ST3GAL4: variants seen among roughly 807,000 people sequenced by gnomAD.
The protein encoded by ST3GAL4 is CMP-N-acetylneuraminate-beta-galactosamide-alpha-2,3-sialyltransferase 4.
Under a neutral mutation model 42.6 loss-of-function variants are expected in ST3GAL4, and 24 were observed. That is an observed-to-expected ratio of 0.56 (90% CI 0.41 to 0.79). The LOEUF (loss-of-function observed/expected upper bound fraction) is 0.79, where lower values mean the gene tolerates loss of function less well. ST3GAL4 is among the 30% of genes least tolerant of loss of function. ST3GAL4 has a pLI of 0.00. For missense variants in ST3GAL4, 311 were observed against 430.8 expected (o/e 0.72, Z 2.46); for synonymous variants, 135 against 163.2 (o/e 0.83, Z 1.32).
At chr11:126,405,067 T>C (rs901456227) in intron 1 of ST3GAL4, among the ~76,000 whole-genome samples, 1 of 152,218 alleles carries the variant, frequency 6.6e-6, no homozygotes, top group Non-Finnish European at 1.5e-5. Flanking sequence ...TCCCAGGCCA[T>C]ACTCAGGCTG....
At chr11:126,387,357 G>A (rs989362194) in intron 1 of ST3GAL4, among the ~76,000 whole-genome samples, 1 of 151,984 alleles carries the variant, frequency 6.6e-6, no homozygotes, top group African/African-American at 2.4e-5. Flanking sequence ...AATTTTATTT[G>A]AAAGGGTATC....
At position 126,411,729 on chromosome 11, in the gene ST3GAL4, C is replaced by T. The variant is rs763907127; in HGVS notation, c.772-1776C>T. Among the ~76,000 whole-genome samples, 3 of 152,226 alleles carry T rather than the reference C, an allele frequency of 2.0e-5. No homozygotes were observed. Among genetic ancestry groups the T allele is most frequent in the Admixed American group, 6.5e-5 (1 of 15,280 alleles). On this transcript the variant is annotated intron_variant, in intron 9 of 10. Transcript: ENST00000444328. This position sits in a 1 kb window ranked among gnomAD's most constrained non-coding sequence, Gnocchi z 6.3. ...GCTGTCAGCTGGAGGCTGGGGGCCA[C>T]GCTCAGCTCTTGGAGGTGGCCCACA...
intron 1 of ST3GAL4, among the ~76,000 whole-genome samples, chr11:126,402,098 G>A (rs2135524930): frequency 6.8e-6 from 1 of 146,868 alleles, no homozygotes; most frequent in Non-Finnish European, 1.5e-5. Context: ...GGAAAGAGGG[G>A]AGGTAGGAGA....
rs1176545001 is a variant in ST3GAL4 at position 126,391,731 on chromosome 11, C to A, written c.-60-14365C>A. ...AGTGTGATTGGGGTCGTGGTGGGGC[C>A]AGTGGCAGTGGATCTCTCTCTTTGT... On this transcript the variant is annotated intron_variant, in intron 1 of 10. Coordinates refer to ENST00000444328, the MANE Select transcript of ST3GAL4 (RefSeq NM_001254757.2). This position sits in a 1 kb window ranked among gnomAD's most constrained non-coding sequence, Gnocchi z 5.5. Among the ~76,000 whole-genome samples, 1 of 152,108 alleles carries A rather than the reference C, an allele frequency of 6.6e-6. No individual in the cohort carries two copies. The highest frequency in any genetic ancestry group is 6.5e-5 in the Admixed American group (1 of 15,272).
intron 1 of ST3GAL4, chr11:126,403,530 C>T: frequency 1.2e-6 from 1 of 812,962 alleles, no homozygotes. Flanking sequence ...CATGCCTGGG[C>T]CCCACCCCTA....
At chr11:126,394,016 A>G (rs1355067617) in intron 1 of ST3GAL4, among the ~76,000 whole-genome samples, 1 of 152,200 alleles carries the variant, frequency 6.6e-6, no homozygotes, top group African/African-American at 2.4e-5. Context: ...GACTGGCCCC[A>G]TTGCAAATAC....
In ST3GAL4 at chr11:126,359,729, C is replaced by CTCCCTCCT. The variant is rs149358402; in HGVS notation, c.-61+3916_-61+3923dup. On this transcript the variant is annotated intron_variant, in intron 1 of 10. Coordinates refer to ENST00000444328, the MANE Select transcript of ST3GAL4 (RefSeq NM_001254757.2). This position sits in a 1 kb window ranked among gnomAD's most constrained non-coding sequence, Gnocchi z 4.8. ...GCGGGGCAGGACAAGGTTCTTCTCC[C>CTCCCTCCT]TCCCTCCTTCCCTCCTTCCCTCCTT... 2.7e-3 allele frequency among the ~76,000 whole-genome samples: 403 copies of CTCCCTCCT among 151,472 alleles called. 4 individuals are homozygous for CTCCCTCCT. The highest frequency in any genetic ancestry group is 0.013 in the South Asian group (64 of 4,798).
rs1486948793 is a variant in ST3GAL4 at position 126,407,028 on chromosome 11, G to C, written c.182+5G>C. ...GGCCTCTAAGCTCTTTGGCAAGTAA[G>C]TACTTAAGGATGAGGAGGGTAGAGC... is the stretch of plus-strand genomic sequence containing the variant. On this transcript the variant is annotated splice_donor_5th_base_variant and intron_variant, in intron 4 of 10. Transcript: ENST00000444328. 2 of 1,613,642 alleles carry C rather than the reference G, an allele frequency of 1.2e-6. No homozygotes were observed. Among genetic ancestry groups the C allele is most frequent in the Non-Finnish European group, 8.5e-7 (1 of 1,179,588 alleles).
Position 126,397,424 on chromosome 11 carries a change from C to A in ST3GAL4, c.-60-8672C>A, listed in dbSNP as rs1252467017. On this transcript the variant is annotated intron_variant, in intron 1 of 10. Coordinates refer to ENST00000444328, the MANE Select transcript of ST3GAL4 (RefSeq NM_001254757.2). The surrounding 1 kb of genome is among the most constrained non-coding windows in gnomAD (Gnocchi z 5.0). ...TGGGATAGTGGGCAAGACATGAAAA[C>A]CTTGTATAATATAAAATTTTGTTAC... Among the ~76,000 whole-genome samples the A allele has an allele frequency of 6.6e-6, 1 of 151,898 alleles. No homozygotes were observed. Among genetic ancestry groups the A allele is most frequent in the Non-Finnish European group, 1.5e-5 (1 of 68,010 alleles).
At position 126,374,700 on chromosome 11, in the gene ST3GAL4, A is replaced by G. The variant is rs188767468; in HGVS notation, c.-61+18858A>G. Among the ~76,000 whole-genome samples the G allele has an allele frequency of 9.5e-4, 145 of 152,308 alleles. No individual in the cohort carries two copies. The East Asian group carries it at 0.025, about 26-fold the overall frequency. On this transcript the variant is annotated intron_variant, in intron 1 of 10. Transcript: ENST00000444328. Reference sequence around the variant, plus strand: ...TAGAGCACGTGTGTCTCTGTGCGTCAGAGCAAGGACCCGGGCTCTCCCCGT... The same window carrying G: ...TAGAGCACGTGTGTCTCTGTGCGTCGGAGCAAGGACCCGGGCTCTCCCCGT...
rs1406333160 is a variant in ST3GAL4 at position 126,393,722 on chromosome 11, G to C, written c.-60-12374G>C. Among the ~76,000 whole-genome samples, 1 of 152,156 alleles carries C rather than the reference G, an allele frequency of 6.6e-6. No homozygotes were observed. The highest frequency in any genetic ancestry group is 1.9e-4 in the East Asian group (1 of 5,190). Reference sequence around the variant, plus strand: ...GAAGTGTGAGCTAGCAGGAATCCTGGAGATTTTCTAGCCCAACAGTGTCCG... The same window carrying C: ...GAAGTGTGAGCTAGCAGGAATCCTGCAGATTTTCTAGCCCAACAGTGTCCG... On this transcript the variant is annotated intron_variant, in intron 1 of 10. Transcript: ENST00000444328. The surrounding 1 kb of genome is among the most constrained non-coding windows in gnomAD (Gnocchi z 5.9).
rs765746951 is a variant in ST3GAL4 at position 126,379,773 on chromosome 11, C to A, written c.-61+23931C>A. The stretch of plus-strand genomic sequence containing the variant: ...GATTACAGGCATGAGCCACCACACC[C>A]GGCCTGTTATCCTTAATTTTAAATC... On this transcript the variant is annotated intron_variant, in intron 1 of 10. Transcript: ENST00000444328. The surrounding 1 kb of genome is among the most constrained non-coding windows in gnomAD (Gnocchi z 4.2). 1.3e-5 allele frequency among the ~76,000 whole-genome samples: 2 copies of A among 152,116 alleles called. No homozygotes were observed. Among genetic ancestry groups the A allele is most frequent in the Admixed American group, 1.3e-4 (2 of 15,268 alleles).
At chr11:126,402,958 C>T (rs1954072446) in intron 1 of ST3GAL4, among the ~76,000 whole-genome samples, 1 of 152,194 alleles carries the variant, frequency 6.6e-6, no homozygotes, top group African/African-American at 2.4e-5. Context: ...TCCCCTTGGA[C>T]ATGAGTGGAT....
rs1244214195 is a variant in ST3GAL4, at chr11:126,391,932, T to C, written c.-60-14164T>C. Among the ~76,000 whole-genome samples the C allele has an allele frequency of 7.1e-6, 1 of 140,084 alleles. No homozygotes were observed. Among genetic ancestry groups the C allele is most frequent in the African/African-American group, 2.8e-5 (1 of 36,306 alleles). 91.9% of individuals were successfully genotyped at this position (140,084 alleles called of 152,430 possible). The stretch of plus-strand genomic sequence containing the variant: ...GAGGCTCAGAACACCTGTGATAACT[T>C]GGTCGTGTGTGTGTGTGTGTGTGTG... On this transcript the variant is annotated intron_variant, in intron 1 of 10. Transcript: ENST00000444328. The surrounding 1 kb of genome is among the most constrained non-coding windows in gnomAD (Gnocchi z 5.5).
intron 1 of ST3GAL4, among the ~76,000 whole-genome samples, chr11:126,365,760 C>T (rs1211249019): frequency 2.0e-5 from 3 of 152,154 alleles, no homozygotes; most frequent in East Asian, 3.9e-4. Flanking sequence ...ATTTGGGTGC[C>T]GGGTGGGCTG....
Position 126,411,101 on chromosome 11 carries a change from C to T in ST3GAL4, c.771+1690C>T, listed in dbSNP as rs1248932034. On this transcript the variant is annotated intron_variant, in intron 9 of 10. Coordinates refer to ENST00000444328, the MANE Select transcript of ST3GAL4 (RefSeq NM_001254757.2). The surrounding 1 kb of genome is among the most constrained non-coding windows in gnomAD (Gnocchi z 6.3). ...AGAGGGCGAGGACCTGAACCCAGCT[C>T]CTGGCAGTGGGAAGGGAAAAGGAGG... 2.0e-5 allele frequency among the ~76,000 whole-genome samples: 3 copies of T among 151,442 alleles called. No homozygotes were observed. The highest frequency in any genetic ancestry group is 4.4e-5 in the Non-Finnish European group (3 of 67,924).
Position 126,409,328 on chromosome 11 carries a change from C to A in ST3GAL4, c.688C>A (p.Arg230=). ...CTGGGATGTCAATCCTAAACAGATT[C>A]GGATTCTCAACCCCTTCTTCATGGA... The part of the protein sequence containing the change: ...LIWDVNPKQI[R]ILNPFFMEIA... Residue 230 remains arginine (R), a synonymous_variant, in exon 9 of 11, where the codon CGG becomes AGG. Coordinates refer to ENST00000444328, the MANE Select transcript of ST3GAL4 (RefSeq NM_001254757.2). The surrounding 1 kb of genome is among the most constrained non-coding windows in gnomAD (Gnocchi z 4.9). The A allele has an allele frequency of 1.2e-6, 2 of 1,614,230 alleles. No individual in the cohort carries two copies. Among genetic ancestry groups the A allele is most frequent in the Non-Finnish European group, 1.7e-6 (2 of 1,180,024 alleles).
chr11:126,374,679 G>C (rs1157056993), intron 1 of ST3GAL4, among the ~76,000 whole-genome samples: 2 of 152,142 alleles, frequency 1.3e-5, no homozygotes, highest in African/African-American at 4.8e-5. Context: ...GGCCAGTAGA[G>C]CACGTGTGTC....
intron 1 of ST3GAL4, among the ~76,000 whole-genome samples, chr11:126,385,319 ATTT>A (rs1056766414): frequency 6.6e-6 from 1 of 151,350 alleles, no homozygotes. Flanking sequence ...CACCCGGCTA[ATTT>A]TTTTTATTTT....
Sources: allele counts gnomAD v4.1 joint callset (sites outside exome capture counted in the v4.1 genomes callset), GRCh38; gene constraint gnomAD v4.1.1; non-coding constraint Gnocchi (gnomAD v3.1); transcripts MANE v1.5; gene names NCBI Gene and HGNC (gene_info 2026-07-23, HGNC 2026-07-21).